Variants in STAM2 observed in about 807,000 individuals in gnomAD.
The protein encoded by STAM2 is signal transducing adapter molecule 2.
STAM2 carries 51 observed loss-of-function variants against 65.6 expected under a neutral mutation model. That is an observed-to-expected ratio of 0.78 (90% CI 0.62 to 0.98). STAM2 has a LOEUF of 0.98. STAM2 is among the 50% of genes least tolerant of loss of function. The pLI is 0.00. For synonymous variants in STAM2, 198 were observed against 208.4 expected (o/e 0.95, Z 0.43); for missense variants, 584 against 617.8 (o/e 0.95, Z 0.58).
In STAM2 at chr2:152,150,090, G is replaced by A. The variant is rs186351514; in HGVS notation, c.125+55C>T. 5.9e-6 allele frequency: 7 copies of A among 1,196,496 alleles called. No individual in the cohort carries two copies. In the East Asian group the frequency reaches 7.0e-5, roughly 12 times the overall value. 74.1% of individuals were successfully genotyped at this position (1,196,496 alleles called of 1,614,324 possible). ...TCCTCTCAAAGTTACATCACAAAAAGAGACACTGGTTATCAAGTTCCTAGA... is the reference window on the plus strand; with the variant it reads ...TCCTCTCAAAGTTACATCACAAAAAAAGACACTGGTTATCAAGTTCCTAGA... On this transcript the variant is annotated intron_variant, in intron 2 of 13. Transcript: ENST00000263904.
chr2:152,143,678 T>A (rs1579320943), intron 7 of STAM2, 149 bp downstream of exon 7: 1 of 518,146 alleles, frequency 1.9e-6, no homozygotes, highest in East Asian at 3.1e-5. Context: ...GAGGCTCACA[T>A]TACATGCCTA....
intron 7 of STAM2, among the ~76,000 whole-genome samples, chr2:152,139,532 A>G (rs1689208852): frequency 1.3e-5 from 2 of 152,114 alleles, no homozygotes; most frequent in Admixed American, 6.5e-5. Flanking sequence ...TAACCACTGC[A>G]CTCCAGCCTC....
chr2:152,148,449 C>G (rs770232363), intron 2 of STAM2, 149 bp from the exon 3 acceptor site: 29 of 629,874 alleles, frequency 4.6e-5, no homozygotes, highest in Non-Finnish European at 6.9e-5. Flanking sequence ...GCGGGAGGAT[C>G]ACTTGAGCCC....
chr2:152,159,950 C>T (rs1447120469), intron 1 of STAM2, among the ~76,000 whole-genome samples: 1 of 152,238 alleles, frequency 6.6e-6, no homozygotes, highest in Non-Finnish European at 1.5e-5. Flanking sequence ...GGGCTGGTCT[C>T]CAGCTCCTAA....
chr2:152,133,506 A>C, intron 8 of STAM2, 22 bp from the exon 9 acceptor site: 1 of 1,584,992 alleles, frequency 6.3e-7, no homozygotes, highest in Non-Finnish European at 8.6e-7. Flanking sequence ...AAGTAATTTT[A>C]AGTTCCTCAG....
chr2:152,127,098 G>A lies in STAM2; in HGVS notation c.1026-719C>T, dbSNP rs1468028849. 6.6e-5 allele frequency among the ~76,000 whole-genome samples: 10 copies of A among 152,304 alleles called. No individual in the cohort carries two copies. In the East Asian group the frequency reaches 1.9e-3, roughly 29 times the overall value. ...GGGTACTTGGACCCAAGAAGATTCTGTATCCTGGCCCTTGAGCTGCTGCTC... is the reference window on the plus strand; with the variant it reads ...GGGTACTTGGACCCAAGAAGATTCTATATCCTGGCCCTTGAGCTGCTGCTC... On this transcript the variant is annotated intron_variant, in intron 11 of 13. Transcript: ENST00000263904.
chr2:152,157,526 T>G (rs185466540), intron 1 of STAM2, among the ~76,000 whole-genome samples: 10 of 152,332 alleles, frequency 6.6e-5, no homozygotes, highest in Admixed American at 5.9e-4. Context: ...AAAAGCCATA[T>G]GAGGGCACAG....
At chr2:152,148,424 C>T in intron 2 of STAM2, 124 bp from the exon 3 acceptor site, 2 of 756,054 alleles carry the variant, frequency 2.6e-6, no homozygotes, top group Non-Finnish European at 4.1e-6. Flanking sequence ...AATTCCAACA[C>T]TTCGGGAAGC....
intron 5 of STAM2, among the ~76,000 whole-genome samples, chr2:152,146,179 G>A (rs1036604331): frequency 6.7e-6 from 1 of 149,608 alleles, no homozygotes; most frequent in Non-Finnish European, 1.5e-5. Context: ...GCGGAGGCAG[G>A]AGAATTGCTT....
In STAM2 at chr2:152,175,716, G is replaced by A. The variant is rs1164023195; in HGVS notation, c.-74C>T. ...AACTGCTACCCGCCGGGTGACCCGC[G>A]GCCGCGGCTCCCTAGACCGCTCCGC... On this transcript the variant is annotated 5_prime_UTR_variant, in exon 1 of 14. Transcript: ENST00000263904. 8 of 1,527,988 alleles carry A rather than the reference G, an allele frequency of 5.2e-6. No homozygotes were observed. The highest frequency in any genetic ancestry group is 1.2e-5 in the South Asian group (1 of 84,660). 94.7% of individuals were successfully genotyped at this position (1,527,988 alleles called of 1,614,324 possible). A position where few individuals can be genotyped will look rare whatever the true frequency, so the allele number is the denominator to read the frequency against.
chr2:152,127,810 C>A (rs918606116), intron 11 of STAM2, among the ~76,000 whole-genome samples: 4 of 152,108 alleles, frequency 2.6e-5, no homozygotes, highest in Admixed American at 6.5e-5. Flanking sequence ...TGATAGTTCC[C>A]CTGGGAGTAA....
Position 152,119,001 on chromosome 2 carries a change from T to A in STAM2, c.*1573A>T, listed in dbSNP as rs1688801977. 6.6e-6 allele frequency: 1 copy of A among 152,172 alleles called. No individual in the cohort carries two copies. Among genetic ancestry groups the A allele is most frequent in the Non-Finnish European group, 1.5e-5 (1 of 68,000 alleles). The allele number at this position is 152,172 out of a possible 1,614,324, so 9.4% of individuals were successfully genotyped here. On this transcript the variant is annotated 3_prime_UTR_variant, in exon 14 of 14. Transcript: ENST00000263904. The stretch of plus-strand genomic sequence containing the variant: ...TTTCTTTGAAAAAGGAACATATTTA[T>A]AATCAAATTTCTGTAGATAAATGGC...
rs972561487 is a variant in STAM2 at position 152,139,854 on chromosome 2, T to A, written c.704+3973A>T. ...AATGACAATAGAACAACAAAAAAAA[T>A]TTTTAATACAATATATTGTATTTAA... On this transcript the variant is annotated intron_variant, in intron 7 of 13. Coordinates refer to ENST00000263904, the MANE Select transcript of STAM2 (RefSeq NM_005843.6). Among the ~76,000 whole-genome samples, 34 of 149,718 alleles carry A rather than the reference T, an allele frequency of 2.3e-4. 1 individual carries two copies. The highest frequency in any genetic ancestry group is 7.9e-4 in the Admixed American group (12 of 15,196).
chr2:152,137,870 C>A (rs1461650384), intron 7 of STAM2, among the ~76,000 whole-genome samples: 1 of 151,724 alleles, frequency 6.6e-6, no homozygotes, highest in Admixed American at 6.6e-5. Context: ...TTAAATAGTC[C>A]ACCATTTTTT....
chr2:152,159,801 G>A (rs949484022), intron 1 of STAM2, among the ~76,000 whole-genome samples: 6 of 152,126 alleles, frequency 3.9e-5, no homozygotes, highest in African/African-American at 2.4e-5. Flanking sequence ...CTGTACTGCC[G>A]CCATCTCTGC....
intron 1 of STAM2, 33 bp downstream of exon 1, chr2:152,175,570 A>ACACAGCAGTCCAGGACCGGG (rs1174430492): frequency 1.2e-6 from 2 of 1,613,628 alleles, no homozygotes; most frequent in Admixed American, 3.3e-5. Flanking sequence ...AGGGCCAGGC[A>ACACAGCAGTCCAGGACCGGG]CACAGCAGTC....
chr2:152,168,215 C>T (rs375912415), intron 1 of STAM2, among the ~76,000 whole-genome samples: 17 of 151,956 alleles, frequency 1.1e-4, no homozygotes, highest in East Asian at 9.7e-4. Flanking sequence ...GGCTGGAGTG[C>T]AGTGGCGCGA....
intron 1 of STAM2, among the ~76,000 whole-genome samples, chr2:152,163,255 T>G (rs914633029): frequency 6.6e-6 from 1 of 152,214 alleles, no homozygotes; most frequent in African/African-American, 2.4e-5. Context: ...GCTCCCAAAA[T>G]TAATACTTTT....
At position 152,117,309 on chromosome 2, in the gene STAM2, A is replaced by G. The variant is rs2105521956; in HGVS notation, c.*3265T>C. ...ACTGACTAGCTGGGACTACAGGTGCACTACCACACCTGGCTAAGTTTTAAA... is the reference window on the plus strand; with the variant it reads ...ACTGACTAGCTGGGACTACAGGTGCGCTACCACACCTGGCTAAGTTTTAAA... On this transcript the variant is annotated 3_prime_UTR_variant, in exon 14 of 14. Transcript: ENST00000263904. 1 of 152,182 alleles carries G rather than the reference A, an allele frequency of 6.6e-6. No homozygotes were observed. Among genetic ancestry groups the G allele is most frequent in the East Asian group, 1.9e-4 (1 of 5,172 alleles). 9.4% of individuals were successfully genotyped at this position (152,182 alleles called of 1,614,324 possible).
Sources: gnomAD v4.1 joint callset for allele counts (sites outside exome capture counted in the v4.1 genomes callset) on GRCh38, gnomAD v4.1.1 for gene constraint, MANE v1.5 for transcripts, NCBI Gene and HGNC (gene_info 2026-07-23, HGNC 2026-07-21) for gene names.